The following PILRB variants were observed in gnomAD, a reference collection of about 807,000 sequenced individuals.
PILRB encodes paired immunoglobulin-like type 2 receptor beta.
A neutral mutation model predicts 20.5 loss-of-function variants in PILRB; 21 were observed. The ratio of observed to expected loss-of-function variants is 1.02; its 90% CI spans 0.72 to 1.47. The LOEUF is 1.47. PILRB is among the 40% of genes most tolerant of loss of function. The pLI is 0.00. For synonymous variants in PILRB, 133 were observed against 115.1 expected (o/e 1.16, Z -0.99); for missense variants, 253 against 272.1 (o/e 0.93, Z 0.49).
intron 3 of PILRB, among the ~76,000 whole-genome samples, chr7:100,360,485 T>C (rs1027786607): frequency 1.3e-5 from 2 of 152,162 alleles, no homozygotes; most frequent in Non-Finnish European, 2.9e-5. Context: ...TCACTCACTT[T>C]CCTTGTGGGT....
At chr7:100,361,829 G>A (rs997554335) in intron 3 of PILRB, among the ~76,000 whole-genome samples, 8 of 152,304 alleles carry the variant, frequency 5.3e-5, no homozygotes, top group Non-Finnish European at 7.3e-5. Flanking sequence ...AAACAGGCTC[G>A]TGGGTACAAA....
At chr7:100,366,226 A>G (rs1217484221) in intron 3 of PILRB, among the ~76,000 whole-genome samples, 1 of 152,186 alleles carries the variant, frequency 6.6e-6, no homozygotes, top group African/African-American at 2.4e-5. Flanking sequence ...TCCTGGGATT[A>G]TCACCGCGTG....
In PILRB at chr7:100,367,349, G is replaced by A. The variant is rs1480444534; in HGVS notation, c.656G>A (p.Gly219Asp). ...LLLLWWRRRK[G>D]SRAPSSDF ...TCTAAAAACACTTCCCCTCCTGCAG[G>A]TAGCAGGGCGCCAAGCAGTGACTTC... Residue 219 changes from glycine (G) to aspartate (D), a missense_variant and splice_region_variant, in exon 4 of 4, where the codon GGT (glycine) becomes GAT (aspartate). Coordinates refer to ENST00000609309, the MANE Select transcript of PILRB (RefSeq NM_178238.4). The A allele has an allele frequency of 1.3e-6, 1 of 780,804 alleles. No individual in the cohort carries two copies. The highest frequency in any genetic ancestry group is 2.4e-6 in the Non-Finnish European group (1 of 418,028). The allele number at this position is 780,804 out of a possible 1,614,324, so 48.4% of individuals were successfully genotyped here.
chr7:100,359,526 G>A lies in PILRB; in HGVS notation c.644G>A (p.Arg215Lys). The change falls in exon 3 of 4, where the codon AGG becomes AAG. Residue 215 changes from arginine to lysine, a missense_variant. Physicochemically the swap from Arg to Lys is conservative, Grantham distance 26 (BLOSUM62 2). Transcript: ENST00000609309. ...CTGTGCCTCCTCCTCCTGTGGTGGA[G>A]GAGAAGGAAAGGTAAGTGCCCAGAA... ...GLLCLLLLWW[R>K]RRKGSRAPSS... The A allele has an allele frequency of 6.2e-7, 1 of 1,614,052 alleles. No homozygotes were observed. The highest frequency in any genetic ancestry group is 8.5e-7 in the Non-Finnish European group (1 of 1,179,914).
In PILRB at chr7:100,358,236, C is replaced by T; in HGVS notation, c.-67C>T. The T allele has an allele frequency of 6.3e-7, 1 of 1,593,682 alleles. No individual in the cohort carries two copies. The highest frequency in any genetic ancestry group is 8.6e-7 in the Non-Finnish European group (1 of 1,166,990). On this transcript the variant is annotated 5_prime_UTR_variant, in exon 1 of 4. Transcript: ENST00000609309. ...TCACCTCAGCCCTCAGGCAGCCCCT[C>T]CACAGGGCCCCTCTCCTGCCTGGAC...
intron 3 of PILRB, among the ~76,000 whole-genome samples, chr7:100,365,249 C>T (rs1259068149): frequency 6.6e-6 from 1 of 152,180 alleles, no homozygotes; most frequent in Non-Finnish European, 1.5e-5. Context: ...ATCCACCCAC[C>T]TCGGCCTTCC....
chr7:100,367,351 A>G lies in PILRB; in HGVS notation c.658A>G (p.Ser220Gly). The G allele has an allele frequency of 1.3e-6, 1 of 780,954 alleles. No homozygotes were observed. Among genetic ancestry groups the G allele is most frequent in the South Asian group, 1.3e-5 (1 of 74,616 alleles). 48.4% of individuals were successfully genotyped at this position (780,954 alleles called of 1,614,324 possible). ...TAAAAACACTTCCCCTCCTGCAGGT[A>G]GCAGGGCGCCAAGCAGTGACTTCTG... is the stretch of plus-strand genomic sequence containing the variant. ...LLLWWRRRKG[S>G]RAPSSDF The change falls in exon 4 of 4, where the codon AGC (serine) becomes GGC (glycine). Residue 220 changes from serine (S) to glycine (G), a missense_variant and splice_region_variant. Physicochemically the swap from Ser to Gly is moderately conservative, Grantham distance 56. Coordinates refer to ENST00000609309, the MANE Select transcript of PILRB (RefSeq NM_178238.4).
Position 100,359,522 on chromosome 7 carries a change from T to G in PILRB, c.640T>G (p.Trp214Gly), listed in dbSNP as rs915955922. The change falls in exon 3 of 4, where the codon TGG (tryptophan) becomes GGG (glycine). Residue 214 changes from tryptophan (W) to glycine (G), a missense_variant. Coordinates refer to ENST00000609309, the MANE Select transcript of PILRB (RefSeq NM_178238.4). ...ACTGCTGTGCCTCCTCCTCCTGTGG[T>G]GGAGGAGAAGGAAAGGTAAGTGCCC... ...LGLLCLLLLW[W>G]RRRKGSRAPS... The G allele has an allele frequency of 1.5e-5, 25 of 1,613,368 alleles. No individual in the cohort carries two copies. The highest frequency in any genetic ancestry group is 1.9e-5 in the Non-Finnish European group (22 of 1,179,322).
intron 3 of PILRB, among the ~76,000 whole-genome samples, chr7:100,365,201 T>C (rs1790641121): frequency 6.6e-6 from 1 of 152,108 alleles, no homozygotes; most frequent in African/African-American, 2.4e-5. Flanking sequence ...GGTTTCACCA[T>C]GTTGGCCAGG....
chr7:100,359,432 C>T lies in PILRB; in HGVS notation c.550C>T (p.Leu184=). 1 of 1,614,190 alleles carries T rather than the reference C, an allele frequency of 6.2e-7. No homozygotes were observed. Among genetic ancestry groups the T allele is most frequent in the Non-Finnish European group, 8.5e-7 (1 of 1,180,006 alleles). Residue 184 remains leucine (L), a synonymous_variant, in exon 3 of 4, where the codon CTA becomes TTA. Transcript: ENST00000609309. ...ESKGHSESWH[L]SLDTAIRVAL... Reference sequence around the variant, plus strand: ...CAAAGGGCACTCAGAATCATGGCACCTAAGTCTGGACACTGCCATCAGGGT... The same window carrying T: ...CAAAGGGCACTCAGAATCATGGCACTTAAGTCTGGACACTGCCATCAGGGT...
At chr7:100,359,654 C>A in intron 3 of PILRB, 117 bp downstream of exon 3, 1 of 847,938 alleles carries the variant, frequency 1.2e-6, no homozygotes, top group Non-Finnish European at 1.9e-6. Flanking sequence ...CTCAAGCCCA[C>A]CAAGGCCGAC....
chr7:100,360,282 A>G (rs920381336), intron 3 of PILRB, among the ~76,000 whole-genome samples: 1 of 152,236 alleles, frequency 6.6e-6, no homozygotes, highest in Non-Finnish European at 1.5e-5. Context: ...CTCTGCTCTC[A>G]GGGAACTGGG....
chr7:100,367,487 A>C lies in PILRB; in HGVS notation c.*110A>C, dbSNP rs534496684. 1 of 737,418 alleles carries C rather than the reference A, an allele frequency of 1.4e-6. No homozygotes were observed. Among genetic ancestry groups the C allele is most frequent in the East Asian group, 2.5e-5 (1 of 40,238 alleles). 45.7% of individuals were successfully genotyped at this position (737,418 alleles called of 1,614,324 possible). A position where few individuals can be genotyped will look rare whatever the true frequency, so the allele number is the denominator to read the frequency against. On this transcript the variant is annotated 3_prime_UTR_variant, in exon 4 of 4. Transcript: ENST00000609309. Reference sequence around the variant, plus strand: ...CCCATTGGCAAGATACATGGAGAGCACCCTGAGGACCTTTAAAAGGCAAAG... The same window carrying C: ...CCCATTGGCAAGATACATGGAGAGCCCCCTGAGGACCTTTAAAAGGCAAAG...
intron 3 of PILRB, among the ~76,000 whole-genome samples, chr7:100,364,178 A>G (rs1563110310): frequency 6.6e-6 from 1 of 152,062 alleles, no homozygotes; most frequent in East Asian, 1.9e-4. Context: ...ACCCTCACAT[A>G]GATAGTCAAA....
intron 1 of PILRB, 139 bp downstream of exon 1, chr7:100,358,505 C>T: frequency 1.6e-6 from 2 of 1,260,138 alleles, no homozygotes; most frequent in South Asian, 1.4e-5. Flanking sequence ...GGGGTGGGTG[C>T]CGCCATCTCT....
intron 3 of PILRB, among the ~76,000 whole-genome samples, chr7:100,365,157 A>C (rs1175429840): frequency 6.6e-6 from 1 of 151,952 alleles, no homozygotes; most frequent in Non-Finnish European, 1.5e-5. Context: ...GTGCCACCAC[A>C]CCCAGCTACT....
At chr7:100,360,498 A>T (rs1370636246) in intron 3 of PILRB, among the ~76,000 whole-genome samples, 1 of 152,188 alleles carries the variant, frequency 6.6e-6, no homozygotes, top group African/African-American at 2.4e-5. Flanking sequence ...TTGTGGGTGG[A>T]GGAAACCATT....
intron 3 of PILRB, among the ~76,000 whole-genome samples, chr7:100,361,811 T>C (rs1484655492): frequency 6.6e-6 from 1 of 152,134 alleles, no homozygotes; most frequent in African/African-American, 2.4e-5. Context: ...CTCACAACCT[T>C]GCCAGGGAAA....
At chr7:100,365,783 A>G (rs1219115229) in intron 3 of PILRB, among the ~76,000 whole-genome samples, 2 of 152,096 alleles carry the variant, frequency 1.3e-5, no homozygotes, top group Non-Finnish European at 2.9e-5. Flanking sequence ...ACGTCACTGT[A>G]TAGCAGCCTG....
Sources: gnomAD v4.1 joint callset for allele counts (sites outside exome capture counted in the v4.1 genomes callset) on GRCh38, gnomAD v4.1.1 for gene constraint, MANE v1.5 for transcripts, NCBI Gene and HGNC (gene_info 2026-07-23, HGNC 2026-07-21) for gene names.